The following MEOX2 variants were observed in gnomAD, a reference collection of about 807,000 sequenced individuals.
MEOX2 encodes mesenchyme homeobox 2.
MEOX2 carries 11 observed loss-of-function variants against 27.0 expected under a neutral mutation model. The ratio of observed to expected loss-of-function variants is 0.41; its 90% CI spans 0.26 to 0.68. The LOEUF (loss-of-function observed/expected upper bound fraction) is 0.68, where lower values mean the gene tolerates loss of function less well. Among genes scored for constraint, MEOX2 ranks in the 30% least tolerant of loss-of-function variants. The pLI, the probability that MEOX2 is intolerant of heterozygous loss-of-function variation, is 0.33. For synonymous variants in MEOX2, 189 were observed against 155.4 expected (o/e 1.22, Z -1.61); for missense variants, 436 against 385.4 (o/e 1.13, Z -1.10).
intron 1 of MEOX2, among the ~76,000 whole-genome samples, chr7:15,632,729 C>T (rs755050835): frequency 7.9e-5 from 12 of 151,950 alleles, no homozygotes; most frequent in East Asian, 5.8e-4. Flanking sequence ...AAAACAAAAC[C>T]GGGACAAGTC....
chr7:15,652,741 G>A (rs1781752280), intron 1 of MEOX2, among the ~76,000 whole-genome samples: 1 of 151,834 alleles, frequency 6.6e-6, no homozygotes, highest in East Asian at 1.9e-4. Context: ...AGTCTTTGGG[G>A]AATGACTTTT....
chr7:15,680,518 T>C (rs1190259999), intron 1 of MEOX2: 1 of 151,944 alleles, frequency 6.6e-6, no homozygotes, highest in African/African-American at 2.4e-5. Context: ...ATCTCACTGA[T>C]GACTGTGATT....
chr7:15,662,407 A>C (rs564477958), intron 1 of MEOX2, among the ~76,000 whole-genome samples: 1 of 152,020 alleles, frequency 6.6e-6, no homozygotes. Context: ...TAATTTTAAA[A>C]ATCTGTATAC....
chr7:15,685,875 C>T lies in MEOX2; in HGVS notation c.517+11G>A. 3.8e-6 allele frequency: 6 copies of T among 1,574,428 alleles called. No homozygotes were observed. The highest frequency in any genetic ancestry group is 5.2e-6 in the Non-Finnish European group (6 of 1,161,958). On this transcript the variant is annotated intron_variant, in intron 1 of 2. Transcript: ENST00000262041. ...GGCGCGCACTCTCGAGGGTGCCTGG[C>T]GCGCCCTTACCTGAGCTGTCGCTTT...
chr7:15,664,236 A>T (rs1781961724), intron 1 of MEOX2, among the ~76,000 whole-genome samples: 1 of 152,136 alleles, frequency 6.6e-6, no homozygotes, highest in Non-Finnish European at 1.5e-5. Flanking sequence ...TAATTTTGGG[A>T]TATGCTTTTG....
At chr7:15,624,946 G>A (rs10261246) in intron 2 of MEOX2, among the ~76,000 whole-genome samples, 101,348 of 152,020 alleles carry the variant, frequency 0.67, 34,029 homozygotes, top group East Asian at 0.81. Flanking sequence ...CACCTTCAAC[G>A]TTTTCAAACC....
chr7:15,672,379 C>A (rs1238526308), intron 1 of MEOX2, among the ~76,000 whole-genome samples: 1 of 152,082 alleles, frequency 6.6e-6, no homozygotes, highest in Non-Finnish European at 1.5e-5. Flanking sequence ...AATCTTATGT[C>A]TTACTTAAAA....
At position 15,617,874 on chromosome 7, in the gene MEOX2, T is replaced by A. The variant is rs10216029; in HGVS notation, c.691-5263A>T. ...ATTAATGTAATCATAACATTTAAAA[T>A]TACACATTTCATATGTTTTTAAAAC... On this transcript the variant is annotated intron_variant, in intron 2 of 2. Transcript: ENST00000262041. Among the ~76,000 whole-genome samples, 248 of 152,194 alleles carry A rather than the reference T, an allele frequency of 1.6e-3. 1 individual carries two copies. The highest frequency in any genetic ancestry group is 5.6e-3 in the African/African-American group (233 of 41,560).
rs149616643 is a variant in MEOX2, at chr7:15,658,382, G to A, written c.517+27504C>T. On this transcript the variant is annotated intron_variant, in intron 1 of 2. Coordinates refer to ENST00000262041, the MANE Select transcript of MEOX2 (RefSeq NM_005924.5). ...TCCTACGGTGTTTGACTGGAGTAGA[G>A]GGGTTGCTGTCTTAAATTGTTATGC... is the stretch of plus-strand genomic sequence containing the variant. Among the ~76,000 whole-genome samples, 434 of 152,316 alleles carry A rather than the reference G, an allele frequency of 2.8e-3. 1 individual carries two copies. Among genetic ancestry groups the A allele is most frequent in the African/African-American group, 0.01 (423 of 41,574 alleles).
At chr7:15,648,164 T>A (rs1781679163) in intron 1 of MEOX2, among the ~76,000 whole-genome samples, 1 of 152,098 alleles carries the variant, frequency 6.6e-6, no homozygotes, top group Non-Finnish European at 1.5e-5. Context: ...GTTTTACATT[T>A]TTAAGTTTTT....
At position 15,612,333 on chromosome 7, in the gene MEOX2, G is replaced by C. The variant is rs1583731384; in HGVS notation, c.*54C>G. On this transcript the variant is annotated 3_prime_UTR_variant, in exon 3 of 3. Transcript: ENST00000262041. ...CTCTGTGTAAACGATATTTGGGTAA[G>C]GCTTGCCATCACAACATTTCTTTCC... 5.7e-6 allele frequency: 8 copies of C among 1,400,018 alleles called. No homozygotes were observed. The East Asian group carries it at 9.2e-5, about 16-fold the overall frequency. 86.7% of individuals were successfully genotyped at this position (1,400,018 alleles called of 1,614,324 possible). A position where few individuals can be genotyped will look rare whatever the true frequency, so the allele number is the denominator to read the frequency against.
chr7:15,659,225 A>C (rs1347122771), intron 1 of MEOX2, among the ~76,000 whole-genome samples: 2 of 152,306 alleles, frequency 1.3e-5, no homozygotes, highest in African/African-American at 4.8e-5. Context: ...ATTTACTTTA[A>C]TATATAACTT....
intron 1 of MEOX2, chr7:15,681,458 G>C (rs1349515758): frequency 6.7e-6 from 1 of 148,584 alleles, no homozygotes; most frequent in Non-Finnish European, 1.5e-5. Context: ...TTCATCTATA[G>C]ATTTACATTT....
At chr7:15,669,664 T>G (rs1422320399) in intron 1 of MEOX2, among the ~76,000 whole-genome samples, 1 of 152,240 alleles carries the variant, frequency 6.6e-6, no homozygotes, top group East Asian at 1.9e-4. Context: ...TGTTTCACGG[T>G]ATAGACAAGA....
At chr7:15,613,979 C>T (rs1781077039) in intron 2 of MEOX2, among the ~76,000 whole-genome samples, 1 of 151,648 alleles carries the variant, frequency 6.6e-6, no homozygotes, top group South Asian at 2.1e-4. Flanking sequence ...TATGCTGTTT[C>T]TTTTTCCTTT....
At chr7:15,612,780 G>A (rs1267866987) in intron 2 of MEOX2, among the ~76,000 whole-genome samples, 169 bp from the exon 3 acceptor site, 1 of 152,136 alleles carries the variant, frequency 6.6e-6, no homozygotes, top group Non-Finnish European at 1.5e-5. Flanking sequence ...CAGGTTACAT[G>A]TTCATGATAA....
At chr7:15,614,115 C>T (rs1781083151) in intron 2 of MEOX2, among the ~76,000 whole-genome samples, 1 of 151,106 alleles carries the variant, frequency 6.6e-6, no homozygotes, top group Admixed American at 6.6e-5. Context: ...TTTCTGAAGC[C>T]AGTAAGATAT....
At chr7:15,661,243 C>T (rs911742590) in intron 1 of MEOX2, among the ~76,000 whole-genome samples, 9 of 151,862 alleles carry the variant, frequency 5.9e-5, no homozygotes, top group African/African-American at 2.2e-4. Context: ...TTTTCCTTAC[C>T]AAATCTGCCA....
intron 1 of MEOX2, among the ~76,000 whole-genome samples, chr7:15,642,785 C>T (rs187830748): frequency 6.6e-6 from 1 of 152,152 alleles, no homozygotes; most frequent in Non-Finnish European, 1.5e-5. Context: ...AGGTTTCCCC[C>T]TCTTGAGGGT....
Sources: allele counts gnomAD v4.1 joint callset (sites outside exome capture counted in the v4.1 genomes callset), GRCh38; gene constraint gnomAD v4.1.1; transcripts MANE v1.5; gene names NCBI Gene and HGNC (gene_info 2026-07-23, HGNC 2026-07-21).